LRP1B: variants seen among roughly 807,000 people sequenced by gnomAD.
The protein encoded by LRP1B is LDL receptor related protein 1B, also known as low-density lipoprotein receptor-related protein 1B.
A neutral mutation model predicts 556.6 loss-of-function variants in LRP1B; 217 were observed. The observed-to-expected ratio is 0.39, with a 90% CI of 0.35 to 0.44. LRP1B has a LOEUF of 0.44. Ranked by LOEUF, LRP1B falls within the 20% of genes least tolerant of loss-of-function variation. LRP1B has a pLI of 1.00. For synonymous variants in LRP1B, 2,047 were observed against 1,865.8 expected, an observed-to-expected ratio of 1.10 and a Z score of -2.50; for missense variants, 5,053 against 5,620.8, an observed-to-expected ratio of 0.90 and a Z score of 3.23.
intron 1 of LRP1B, among the ~76,000 whole-genome samples, chr2:141,872,670 A>G (rs895562169): frequency 9.2e-5 from 14 of 151,904 alleles, no homozygotes; most frequent in African/African-American, 3.4e-4. Flanking sequence ...CTCAGGTCAT[A>G]TCCCAATAAA....
At chr2:141,695,848 TG>T (rs1164637506) in intron 2 of LRP1B, among the ~76,000 whole-genome samples, 1 of 152,002 alleles carries the variant, frequency 6.6e-6, no homozygotes, top group Non-Finnish European at 1.5e-5. Flanking sequence ...AAACTAGCTG[TG>T]GCCTATATAT....
intron 1 of LRP1B, among the ~76,000 whole-genome samples, chr2:142,064,147 TA>T (rs1161749640): frequency 1.3e-5 from 2 of 151,614 alleles, no homozygotes; most frequent in Non-Finnish European, 3.0e-5. Context: ...AATTTTATTC[TA>T]AACAGAGAGC....
intron 32 of LRP1B, among the ~76,000 whole-genome samples, chr2:140,803,060 C>T (rs1477236142): frequency 1.3e-5 from 2 of 151,976 alleles, no homozygotes; most frequent in East Asian, 1.9e-4. Context: ...TCATGAAGTC[C>T]CCCTCTGAAG....
At chr2:141,038,301 T>A (rs915886657) in intron 11 of LRP1B, among the ~76,000 whole-genome samples, 58 of 152,010 alleles carry the variant, frequency 3.8e-4, no homozygotes, top group African/African-American at 1.3e-3. Flanking sequence ...GAATTTTGAT[T>A]TGTGTGTATA....
chr2:140,987,875 T>C lies in LRP1B; in HGVS notation c.2770+1657A>G, dbSNP rs2105350420. Among the ~76,000 whole-genome samples, 3 of 152,094 alleles carry C rather than the reference T, an allele frequency of 2.0e-5. No individual in the cohort carries two copies. The Middle Eastern group carries it at 0.01, about 517-fold the overall frequency. ...GGTGTGTGCCTGTAGTCCTAGCTAC[T>C]CTGGTAGCTGAGGCATGAGAATTGC... On this transcript the variant is annotated intron_variant, in intron 17 of 90. Coordinates refer to ENST00000389484, the MANE Select transcript of LRP1B (RefSeq NM_018557.3).
At chr2:140,589,392 T>TA (rs146411070) in intron 43 of LRP1B, among the ~76,000 whole-genome samples, 6,165 of 150,812 alleles carry the variant, frequency 0.041, 175 homozygotes, top group Middle Eastern at 0.084. Context: ...GTCAGTTTCT[T>TA]AAAAAAAAAC....
intron 1 of LRP1B, among the ~76,000 whole-genome samples, chr2:142,000,002 T>C (rs546770011): frequency 1.3e-4 from 19 of 147,184 alleles, no homozygotes; most frequent in African/African-American, 4.6e-4. Context: ...TATAGAAATA[T>C]ATATACACAT....
chr2:142,099,108 A>C (rs1046641674), intron 1 of LRP1B, among the ~76,000 whole-genome samples: 30 of 151,868 alleles, frequency 2.0e-4, no homozygotes, highest in Middle Eastern at 3.2e-3. Flanking sequence ...ACAAGTTGAT[A>C]TCCAGTACAT....
chr2:141,579,939 A>T (rs1686904891), intron 2 of LRP1B, among the ~76,000 whole-genome samples: 3 of 151,926 alleles, frequency 2.0e-5, no homozygotes, highest in Non-Finnish European at 4.4e-5. Context: ...TGACCTCGTA[A>T]TCCACCCGTC....
At chr2:140,401,032 A>T (rs1320454658) in intron 66 of LRP1B, among the ~76,000 whole-genome samples, 1 of 152,178 alleles carries the variant, frequency 6.6e-6, no homozygotes, top group Non-Finnish European at 1.5e-5. Context: ...GGGAACTTCA[A>T]GAAAATCTGT....
intron 63 of LRP1B, among the ~76,000 whole-genome samples, chr2:140,446,537 A>T (rs149120701): frequency 9.2e-5 from 14 of 152,206 alleles, no homozygotes; most frequent in African/African-American, 3.4e-4. Context: ...CATCTACCCG[A>T]AAGTGAAATC....
At chr2:140,715,429 G>A (rs574378102) in intron 37 of LRP1B, among the ~76,000 whole-genome samples, 26 of 151,862 alleles carry the variant, frequency 1.7e-4, no homozygotes, top group African/African-American at 3.4e-4. Context: ...GATTAAATTC[G>A]TTTCAGTTTT....
intron 20 of LRP1B, among the ~76,000 whole-genome samples, chr2:140,930,063 A>T (rs928356275): frequency 6.6e-6 from 1 of 152,026 alleles, no homozygotes; most frequent in African/African-American, 2.4e-5. Context: ...TTCCAGCTTG[A>T]GTTCCAAGCC....
At chr2:140,589,224 T>A (rs1182326791) in intron 43 of LRP1B, among the ~76,000 whole-genome samples, 1 of 152,082 alleles carries the variant, frequency 6.6e-6, no homozygotes, top group Non-Finnish European at 1.5e-5. Flanking sequence ...TTGCTCAGCA[T>A]AAATCTCATG....
chr2:140,889,739 G>A (rs940374693), intron 23 of LRP1B, among the ~76,000 whole-genome samples: 65 of 152,282 alleles, frequency 4.3e-4, no homozygotes, highest in African/African-American at 1.4e-3. Context: ...CACACAGCTC[G>A]TAAGTGGAGG....
At chr2:141,320,207 T>C (rs943384631) in intron 3 of LRP1B, among the ~76,000 whole-genome samples, 15 of 152,112 alleles carry the variant, frequency 9.9e-5, no homozygotes, top group African/African-American at 3.6e-4. Context: ...GCCACAATAG[T>C]GTCTACTCAT....
At chr2:140,876,909 A>C (rs552299932) in intron 25 of LRP1B, among the ~76,000 whole-genome samples, 41 of 152,320 alleles carry the variant, frequency 2.7e-4, no homozygotes, top group Non-Finnish European at 5.4e-4. Context: ...AAACTGGAGA[A>C]AGAATAATAA....
chr2:140,570,381 A>T (rs1303335988), intron 43 of LRP1B, among the ~76,000 whole-genome samples: 2 of 151,718 alleles, frequency 1.3e-5, no homozygotes, highest in South Asian at 2.1e-4. Flanking sequence ...AGATTAGTAG[A>T]ATCTATTATG....
At chr2:141,880,873 TTA>T (rs1698936398) in intron 1 of LRP1B, among the ~76,000 whole-genome samples, 1 of 59,164 alleles carries the variant, frequency 1.7e-5, no homozygotes, top group Non-Finnish European at 4.5e-5. Flanking sequence ...TTATGATAAC[TTA>T]TTCTTATTTT....
Sources: gnomAD v4.1 joint callset for allele counts (sites outside exome capture counted in the v4.1 genomes callset) on GRCh38, gnomAD v4.1.1 for gene constraint, MANE v1.5 for transcripts, NCBI Gene and HGNC (gene_info 2026-07-23, HGNC 2026-07-21) for gene names.